ZNF107: variants seen among roughly 807,000 people sequenced by gnomAD.
ZNF107 encodes C2H2 type zinc-finger protein.
In ZNF107, 19 loss-of-function variants were observed where a neutral mutation model predicts 12.3. That is an observed-to-expected ratio of 1.55 (90% CI 1.08 to 2.27). ZNF107 has a LOEUF of 2.27. Among genes scored for constraint, ZNF107 ranks in the 30% most tolerant of loss-of-function variants. The pLI, the probability that ZNF107 is intolerant of heterozygous loss-of-function variation, is 0.00. For synonymous variants in ZNF107, 317 were observed against 330.5 expected, an observed-to-expected ratio of 0.96 and a Z score of 0.44; for missense variants, 958 against 979.9, an observed-to-expected ratio of 0.98 and a Z score of 0.30.
In ZNF107 at chr7:64,706,831, C is replaced by T. The variant is rs752405471; in HGVS notation, c.734C>T (p.Thr245Ile). Residue 245 changes from threonine (T) to isoleucine (I), a missense_variant, in exon 4 of 4, where the codon ACT (threonine) becomes ATT (isoleucine). Transcript: ENST00000620827. The stretch of plus-strand genomic sequence containing the variant: ...GCCTTTAACCAGTCCTCACAACTTA[C>T]TAGGCATAAGATAATTCATACTGAA... The part of the protein sequence containing the change: ...GKAFNQSSQL[T>I]RHKIIHTEEK... 4 of 1,613,568 alleles carry T rather than the reference C, an allele frequency of 2.5e-6. No homozygotes were observed. The highest frequency in any genetic ancestry group is 4.5e-5 in the East Asian group (2 of 44,840).
At chr7:64,682,228 C>T (rs1789709647) in intron 1 of ZNF107, among the ~76,000 whole-genome samples, 1 of 151,940 alleles carries the variant, frequency 6.6e-6, no homozygotes, top group African/African-American at 2.4e-5. Flanking sequence ...AAATTTCTTC[C>T]CCTTCTGTTA....
Position 64,707,613 on chromosome 7 carries a change from G to C in ZNF107, c.1516G>C (p.Glu506Gln), listed in dbSNP as rs993923969. Residue 506 changes from glutamate (E) to glutamine (Q), a missense_variant, in exon 4 of 4, where the codon GAG becomes CAG. Physicochemically the swap from Glu to Gln is conservative, Grantham distance 29 (BLOSUM62 2). Coordinates refer to ENST00000620827, the MANE Select transcript of ZNF107 (RefSeq NM_001282359.2). ...LTRHKKIHTGEKPYKCEECDR... is the reference protein window; with the variant it reads ...LTRHKKIHTGQKPYKCEECDR... ...TAGACATAAGAAAATTCATACTGGA[G>C]AGAAACCCTACAAATGTGAAGAATG... 2.5e-6 allele frequency: 4 copies of C among 1,612,898 alleles called. No individual in the cohort carries two copies. Among genetic ancestry groups the C allele is most frequent in the Non-Finnish European group, 3.4e-6 (4 of 1,179,632 alleles).
intron 3 of ZNF107, among the ~76,000 whole-genome samples, chr7:64,705,158 T>C (rs1170499028): frequency 5.3e-5 from 8 of 152,198 alleles, no homozygotes; most frequent in Admixed American, 4.6e-4. Context: ...AAATGACATA[T>C]CACTTTCATC....
chr7:64,671,492 G>C (rs1789219742), intron 1 of ZNF107, among the ~76,000 whole-genome samples: 1 of 152,102 alleles, frequency 6.6e-6, no homozygotes, highest in South Asian at 2.1e-4. Flanking sequence ...ACCAACCAAG[G>C]ATTCTGGACC....
intron 1 of ZNF107, among the ~76,000 whole-genome samples, chr7:64,682,833 C>T (rs573075220): frequency 6.6e-6 from 1 of 152,224 alleles, no homozygotes; most frequent in East Asian, 1.9e-4. Flanking sequence ...TATTTTAAAC[C>T]CCATGCTAAC....
At chr7:64,676,193 T>C (rs937354774) in intron 1 of ZNF107, among the ~76,000 whole-genome samples, 7 of 152,196 alleles carry the variant, frequency 4.6e-5, no homozygotes, top group African/African-American at 1.7e-4. Flanking sequence ...TTTCAAGTGG[T>C]TTTCTTTGTA....
Position 64,706,895 on chromosome 7 carries a change from T to A in ZNF107, c.798T>A (p.Phe266Leu), listed in dbSNP as rs758225557. 40 of 1,613,158 alleles carry A rather than the reference T, an allele frequency of 2.5e-5. No individual in the cohort carries two copies. Among genetic ancestry groups the A allele is most frequent in the Non-Finnish European group, 3.3e-5 (39 of 1,179,638 alleles). ...PNKCEECGKAFKQASHLTIHK... is the reference protein window; with the variant it reads ...PNKCEECGKALKQASHLTIHK... ...AATGTGAAGAATGTGGCAAGGCCTT[T>A]AAACAGGCCTCACACCTTACTATAC... is the stretch of plus-strand genomic sequence containing the variant. Residue 266 changes from phenylalanine (F) to leucine (L), a missense_variant, in exon 4 of 4, where the codon TTT becomes TTA. By Grantham distance (22) the Phe-to-Leu change is conservative. Transcript: ENST00000620827.
intron 1 of ZNF107, among the ~76,000 whole-genome samples, chr7:64,681,944 T>A (rs1004776801): frequency 1.3e-5 from 2 of 152,020 alleles, no homozygotes; most frequent in Non-Finnish European, 2.9e-5. Flanking sequence ...ATCCCTCCTC[T>A]CAACCTCTTT....
chr7:64,691,482 A>G, intron 2 of ZNF107, 108 bp downstream of exon 2: 1 of 1,033,324 alleles, frequency 9.7e-7, no homozygotes, highest in Non-Finnish European at 1.3e-6. Context: ...TGAGTTTCAG[A>G]TCTCTGTTTT....
chr7:64,700,117 T>A (rs1436810181), intron 3 of ZNF107, among the ~76,000 whole-genome samples: 1 of 151,620 alleles, frequency 6.6e-6, no homozygotes, highest in Non-Finnish European at 1.5e-5. Flanking sequence ...AAAAGTTTTA[T>A]ACATGTCTGT....
chr7:64,701,379 A>G (rs1562842160), intron 3 of ZNF107, among the ~76,000 whole-genome samples: 2 of 150,908 alleles, frequency 1.3e-5, no homozygotes, highest in Non-Finnish European at 2.9e-5. Flanking sequence ...CTCCTGCCTT[A>G]GCCTCCTGAG....
chr7:64,669,737 A>T (rs1424665647), intron 1 of ZNF107, among the ~76,000 whole-genome samples: 1 of 152,194 alleles, frequency 6.6e-6, no homozygotes, highest in Non-Finnish European at 1.5e-5. Context: ...GCAGTGAGCC[A>T]AGAGTGTACC....
At chr7:64,698,147 C>T (rs193117221) in intron 3 of ZNF107, among the ~76,000 whole-genome samples, 2 of 152,182 alleles carry the variant, frequency 1.3e-5, no homozygotes, top group East Asian at 3.9e-4. Flanking sequence ...GATTTTTATG[C>T]ATTTCTCTAC....
intron 1 of ZNF107, among the ~76,000 whole-genome samples, chr7:64,679,570 C>A (rs1015007135): frequency 6.6e-6 from 1 of 152,106 alleles, no homozygotes; most frequent in African/African-American, 2.4e-5. Flanking sequence ...TTTCTCTCTC[C>A]CTGTCTCTCT....
Position 64,710,850 on chromosome 7 carries a change from CTGTTTG to C in ZNF107, c.*2200_*2205del, listed in dbSNP as rs1365594092. ...CATGATGAAAACCTGAGTGAAGAGG[CTGTTTG>C]TGTTTAACTTATAATATTGAGTGAT... On this transcript the variant is annotated 3_prime_UTR_variant, in exon 4 of 4. Coordinates refer to ENST00000620827, the MANE Select transcript of ZNF107 (RefSeq NM_001282359.2). The C allele has an allele frequency of 2.6e-5, 4 of 151,996 alleles. No individual in the cohort carries two copies. Among genetic ancestry groups the C allele is most frequent in the Non-Finnish European group, 5.9e-5 (4 of 67,972 alleles). The allele number at this position is 151,996 out of a possible 1,614,324, so 9.4% of individuals were successfully genotyped here.
intron 1 of ZNF107, chr7:64,686,791 C>T (rs2529): frequency 0.42 from 359,943 of 854,634 alleles, 77,286 homozygotes; most frequent in South Asian, 0.53. Flanking sequence ...GCCACTTTGC[C>T]CTGTAAAGAC....
intron 1 of ZNF107, among the ~76,000 whole-genome samples, chr7:64,672,505 T>C (rs1789270746): frequency 6.6e-6 from 1 of 152,122 alleles, no homozygotes; most frequent in African/African-American, 2.4e-5. Context: ...TACAGATGTG[T>C]ATCATTATGC....
intron 3 of ZNF107, among the ~76,000 whole-genome samples, chr7:64,703,501 CT>C (rs1218427377): frequency 6.6e-6 from 1 of 152,182 alleles, no homozygotes; most frequent in African/African-American, 2.4e-5. Context: ...ATGATCTCAG[CT>C]CACTGTAACC....
In ZNF107 at chr7:64,687,596, G is replaced by T. The variant is rs1428564404; in HGVS notation, c.4-3652G>T. The T allele has an allele frequency of 5.1e-6, 5 of 980,798 alleles. No homozygotes were observed. In the East Asian group the frequency reaches 5.7e-4, roughly 111 times the overall value. 60.8% of individuals were successfully genotyped at this position (980,798 alleles called of 1,614,324 possible). A position where few individuals can be genotyped will look rare whatever the true frequency, so the allele number is the denominator to read the frequency against. ...TTGCAAAATTACCTTTTGTCATGAA[G>T]ATGTGAAAAGTGTATTTTGTCATTG... On this transcript the variant is annotated intron_variant, in intron 1 of 3. Transcript: ENST00000620827.
Sources: allele counts gnomAD v4.1 joint callset (sites outside exome capture counted in the v4.1 genomes callset), GRCh38; gene constraint gnomAD v4.1.1; transcripts MANE v1.5; gene names NCBI Gene and HGNC (gene_info 2026-07-23, HGNC 2026-07-21).